Variants in RMND5A observed in about 807,000 individuals in gnomAD.
RMND5A encodes the protein E3 ubiquitin-protein transferase RMND5A.
In RMND5A, 17 loss-of-function variants were observed where a neutral mutation model predicts 49.7. The ratio of observed to expected loss-of-function variants is 0.34; its 90% CI spans 0.23 to 0.51. The LOEUF (loss-of-function observed/expected upper bound fraction) is 0.51, where lower values mean the gene tolerates loss of function less well. Among genes scored for constraint, RMND5A ranks in the 20% least tolerant of loss-of-function variants. The pLI, the probability that RMND5A is intolerant of heterozygous loss-of-function variation, is 0.96. For synonymous variants in RMND5A, 156 were observed against 167.7 expected, an observed-to-expected ratio of 0.93 and a Z score of 0.54; for missense variants, 255 against 471.3, an observed-to-expected ratio of 0.54 and a Z score of 4.25.
At chr2:86,772,626 A>C (rs534640456) in intron 8 of RMND5A, among the ~76,000 whole-genome samples, 2 of 149,578 alleles carry the variant, frequency 1.3e-5, no homozygotes. Context: ...ATTGAGTCTC[A>C]CTCCATCATT....
intron 2 of RMND5A, among the ~76,000 whole-genome samples, chr2:86,746,623 TC>T (rs1473628567): frequency 1.3e-5 from 2 of 152,240 alleles, no homozygotes; most frequent in Non-Finnish European, 2.9e-5. Context: ...CAACTGGAGT[TC>T]CTTGAGAGAA....
At chr2:86,760,744 A>G (rs996744874) in intron 4 of RMND5A, among the ~76,000 whole-genome samples, 1 of 110,208 alleles carries the variant, frequency 9.1e-6, no homozygotes, top group Non-Finnish European at 1.9e-5. Context: ...GTGAAATTGA[A>G]TGTGATTAGA....
At chr2:86,755,809 T>C (rs905773547) in intron 4 of RMND5A, among the ~76,000 whole-genome samples, 17 of 152,162 alleles carry the variant, frequency 1.1e-4, no homozygotes, top group African/African-American at 3.9e-4. Flanking sequence ...AAGTAAAAAT[T>C]TTCTCATTTC....
chr2:86,762,709 C>G (rs1424572335), intron 4 of RMND5A, among the ~76,000 whole-genome samples: 2 of 25,412 alleles, frequency 7.9e-5, no homozygotes, highest in South Asian at 1.0e-3. Flanking sequence ...TCATATATAT[C>G]ATATATATCA....
chr2:86,754,654 C>T (rs1392754806), intron 4 of RMND5A, among the ~76,000 whole-genome samples: 1 of 151,902 alleles, frequency 6.6e-6, no homozygotes, highest in African/African-American at 2.4e-5. Flanking sequence ...CCAGCCCCAA[C>T]CCCCCAACCT....
intron 4 of RMND5A, among the ~76,000 whole-genome samples, chr2:86,758,033 C>T (rs1681773543): frequency 6.6e-6 from 1 of 152,180 alleles, no homozygotes; most frequent in Non-Finnish European, 1.5e-5. Context: ...TGTTGCAGAG[C>T]CGTTGGGCAG....
chr2:86,762,720 TATATATCATATATATC>T (rs1672524181), intron 4 of RMND5A, among the ~76,000 whole-genome samples: 1 of 44,250 alleles, frequency 2.3e-5, no homozygotes, highest in African/African-American at 5.8e-5. Context: ...ATATATATCA[TATATATCATATATATC>T]ATATATATAT....
Position 86,766,042 on chromosome 2 carries a change from G to C in RMND5A, c.854+18G>C. The stretch of plus-strand genomic sequence containing the variant: ...AGTGTCAGGTATGGAAATTAGCCCT[G>C]TCTGTTATTGAAGTATGCACTGCAT... On this transcript the variant is annotated intron_variant, in intron 6 of 8. Coordinates refer to ENST00000283632, the MANE Select transcript of RMND5A (RefSeq NM_022780.4). 6 of 1,606,248 alleles carry C rather than the reference G, an allele frequency of 3.7e-6. No homozygotes were observed. Among genetic ancestry groups the C allele is most frequent in the Non-Finnish European group, 5.1e-6 (6 of 1,176,238 alleles).
At chr2:86,750,424 C>T (rs1681613911) in intron 2 of RMND5A, among the ~76,000 whole-genome samples, 1 of 152,206 alleles carries the variant, frequency 6.6e-6, no homozygotes, top group Admixed American at 6.5e-5. Flanking sequence ...TGACAAATGT[C>T]ATGCCACTTC....
At chr2:86,748,527 G>GAC (rs1681578296) in intron 2 of RMND5A, 1 of 152,194 alleles carries the variant, frequency 6.6e-6, no homozygotes, top group Non-Finnish European at 1.5e-5. Flanking sequence ...CTATGTAGTA[G>GAC]TGACCATAGT....
At chr2:86,768,375 G>C (rs980796851) in intron 6 of RMND5A, among the ~76,000 whole-genome samples, 1 of 152,182 alleles carries the variant, frequency 6.6e-6, no homozygotes, top group Non-Finnish European at 1.5e-5. Flanking sequence ...CATTCCACAG[G>C]GTGCTCCATC....
intron 2 of RMND5A, among the ~76,000 whole-genome samples, chr2:86,744,454 A>G (rs544041138): frequency 6.6e-6 from 1 of 152,298 alleles, no homozygotes; most frequent in African/African-American, 2.4e-5. Context: ...GCCTGTGAGT[A>G]CCACTTTATG....
chr2:86,748,661 A>G (rs1208615028), intron 2 of RMND5A, among the ~76,000 whole-genome samples: 1 of 152,242 alleles, frequency 6.6e-6, no homozygotes, highest in African/African-American at 2.4e-5. Flanking sequence ...TTTACTTTTA[A>G]TATGTATATT....
chr2:86,764,190 A>C (rs1241994948), intron 4 of RMND5A, among the ~76,000 whole-genome samples: 1 of 152,220 alleles, frequency 6.6e-6, no homozygotes, highest in Non-Finnish European at 1.5e-5. Flanking sequence ...GAATTAGGTT[A>C]GGTGGGGAGT....
At position 86,770,119 on chromosome 2, in the gene RMND5A, A is replaced by G. The variant is rs1244904953; in HGVS notation, c.951A>G (p.Glu317=). The change falls in exon 7 of 9, where the codon GAA becomes GAG. Residue 317 remains glutamate, a synonymous_variant. Coordinates refer to ENST00000283632, the MANE Select transcript of RMND5A (RefSeq NM_022780.4). ...CTGGAGTTTGGAACCAGAAAGATGA[A>G]TTACCTGTGAGTTCCATTTTCTATT... ...QCTGVWNQKD[E]LPIEVDLGKK... The G allele has an allele frequency of 6.2e-7, 1 of 1,606,388 alleles. No individual in the cohort carries two copies. Among genetic ancestry groups the G allele is most frequent in the South Asian group, 1.1e-5 (1 of 90,930 alleles).
At chr2:86,769,693 C>T (rs539047252) in intron 6 of RMND5A, among the ~76,000 whole-genome samples, 21 of 149,898 alleles carry the variant, frequency 1.4e-4, no homozygotes, top group African/African-American at 4.4e-4. Flanking sequence ...TTTTTTTTAA[C>T]GTTTGCGTTC....
At position 86,751,483 on chromosome 2, in the gene RMND5A, G is replaced by A. The variant is rs138573837; in HGVS notation, c.286-413G>A. 2.2e-3 allele frequency among the ~76,000 whole-genome samples: 338 copies of A among 152,258 alleles called. 1 individual carries two copies. Among genetic ancestry groups the A allele is most frequent in the African/African-American group, 7.8e-3 (323 of 41,542 alleles). On this transcript the variant is annotated intron_variant, in intron 2 of 8. Coordinates refer to ENST00000283632, the MANE Select transcript of RMND5A (RefSeq NM_022780.4). ...TTTCAGCCTCAATACTGCAGTTGTT[G>A]GGATGTGCCATGGATTATTATGTTG...
intron 6 of RMND5A, among the ~76,000 whole-genome samples, chr2:86,766,976 G>C (rs930139286): frequency 2.0e-5 from 3 of 152,140 alleles, no homozygotes; most frequent in Admixed American, 6.5e-5. Context: ...TCAAAGTATG[G>C]TAATTGTCTT....
chr2:86,749,642 G>A (rs565293478), intron 2 of RMND5A, among the ~76,000 whole-genome samples: 3 of 152,138 alleles, frequency 2.0e-5, no homozygotes, highest in South Asian at 2.1e-4. Flanking sequence ...CTCCCACCTC[G>A]GCCTCCCAAA....
Sources: allele counts gnomAD v4.1 joint callset (sites outside exome capture counted in the v4.1 genomes callset), GRCh38; gene constraint gnomAD v4.1.1; transcripts MANE v1.5; gene names NCBI Gene and HGNC (gene_info 2026-07-23, HGNC 2026-07-21).